The following FAM13A variants were observed in gnomAD, a reference collection of about 807,000 sequenced individuals.
The protein encoded by FAM13A is protein FAM13A.
A neutral mutation model predicts 129.6 loss-of-function variants in FAM13A; 76 were observed. That is an observed-to-expected ratio of 0.59 (90% CI 0.49 to 0.71). The LOEUF (loss-of-function observed/expected upper bound fraction) is 0.71. Ranked by LOEUF, FAM13A falls within the 30% of genes least tolerant of loss-of-function variation. FAM13A has a pLI of 0.00. For missense variants in FAM13A, 1,108 were observed against 1,249.3 expected (o/e 0.89, Z 1.70); for synonymous variants, 443 against 449.9 (o/e 0.98, Z 0.20).
At chr4:88,950,822 T>G (rs772986351) in intron 4 of FAM13A, among the ~76,000 whole-genome samples, 4 of 152,194 alleles carry the variant, frequency 2.6e-5, no homozygotes, top group Non-Finnish European at 4.4e-5. Flanking sequence ...AAATTAACAG[T>G]GACGGGTCAA....
chr4:89,009,723 G>T (rs1765496163), intron 3 of FAM13A, among the ~76,000 whole-genome samples: 1 of 152,142 alleles, frequency 6.6e-6, no homozygotes, highest in South Asian at 2.1e-4. Flanking sequence ...CCACAACAAA[G>T]TAACATTTAA....
At chr4:88,852,631 A>G (rs1561166783) in intron 6 of FAM13A, among the ~76,000 whole-genome samples, 1 of 152,066 alleles carries the variant, frequency 6.6e-6, no homozygotes, top group Non-Finnish European at 1.5e-5. Context: ...GTCTCCTCCT[A>G]TTGTTTATCT....
At chr4:89,010,309 C>G (rs890400717) in intron 3 of FAM13A, among the ~76,000 whole-genome samples, 1 of 152,098 alleles carries the variant, frequency 6.6e-6, no homozygotes, top group Non-Finnish European at 1.5e-5. Context: ...GGCTTTGTAC[C>G]GAATAAACTC....
At chr4:88,737,062 T>A (rs1164736888) in intron 21 of FAM13A, among the ~76,000 whole-genome samples, 1 of 152,216 alleles carries the variant, frequency 6.6e-6, no homozygotes, top group Non-Finnish European at 1.5e-5. Context: ...AAACAGTATA[T>A]GAGATTCCTT....
At chr4:88,873,654 C>T (rs888988221) in intron 6 of FAM13A, among the ~76,000 whole-genome samples, 61 of 152,092 alleles carry the variant, frequency 4.0e-4, no homozygotes, top group African/African-American at 1.4e-3. Flanking sequence ...AATTAATAGC[C>T]TACCAACCAA....
At chr4:88,750,765 A>C in intron 14 of FAM13A, 128 bp from the exon 15 acceptor site, 2 of 674,432 alleles carry the variant, frequency 3.0e-6, no homozygotes, top group Non-Finnish European at 5.1e-6. Context: ...TTCTCATTTT[A>C]CAGCTAAGGT....
At chr4:89,014,954 C>A (rs947812086) in intron 3 of FAM13A, among the ~76,000 whole-genome samples, 1 of 152,142 alleles carries the variant, frequency 6.6e-6, no homozygotes, top group African/African-American at 2.4e-5. Context: ...CTTTCGAAAG[C>A]AATAGGAGAA....
intron 4 of FAM13A, among the ~76,000 whole-genome samples, chr4:88,972,856 C>T (rs1277547953): frequency 6.6e-6 from 1 of 152,186 alleles, no homozygotes; most frequent in Non-Finnish European, 1.5e-5. Flanking sequence ...GATCCACCTG[C>T]CTTGACCTCC....
intron 3 of FAM13A, among the ~76,000 whole-genome samples, chr4:89,010,932 TC>T (rs532049620): frequency 3.7e-4 from 57 of 152,218 alleles, no homozygotes; most frequent in Middle Eastern, 3.4e-3. Flanking sequence ...CACTGCAACC[TC>T]CACCTCCTGG....
Position 88,737,513 on chromosome 4 carries a change from T to C in FAM13A, c.2605A>G (p.Ile869Val). The C allele has an allele frequency of 1.2e-6, 2 of 1,614,110 alleles. No homozygotes were observed. The highest frequency in any genetic ancestry group is 1.7e-6 in the Non-Finnish European group (2 of 1,179,986). ...SKRRSPLLQP[I>V]IEGETASFFK... The stretch of plus-strand genomic sequence containing the variant: ...AAGGAAGCAGTTTCGCCCTCGATAA[T>C]TGGCTGCAGCAAAGGGCTTCTCCGC... The change falls in exon 21 of 24, where the codon ATT becomes GTT. Residue 869 changes from isoleucine (I) to valine (V), a missense_variant. Physicochemically the swap from Ile to Val is conservative, Grantham distance 29 (BLOSUM62 3). Around this residue, in one of 3 missense-constraint regions of FAM13A, gnomAD observed 529 missense variants for 621.2 expected, o/e 0.85. Transcript: ENST00000264344.
chr4:88,853,434 A>C (rs1371083908), intron 6 of FAM13A, among the ~76,000 whole-genome samples: 1 of 152,216 alleles, frequency 6.6e-6, no homozygotes, highest in Non-Finnish European at 1.5e-5. Flanking sequence ...GAAAGTAAAA[A>C]TATACGCTGT....
At chr4:88,795,196 TATACTAGA>T (rs1365015892) in intron 8 of FAM13A, among the ~76,000 whole-genome samples, 1 of 151,798 alleles carries the variant, frequency 6.6e-6, no homozygotes, top group Non-Finnish European at 1.5e-5. Flanking sequence ...CTGTGCATAA[TATACTAGA>T]ATATAAATTG....
chr4:88,833,145 C>T (rs1236358407), intron 7 of FAM13A, among the ~76,000 whole-genome samples: 2 of 152,072 alleles, frequency 1.3e-5, no homozygotes, highest in Non-Finnish European at 2.9e-5. Flanking sequence ...AATCAAATAC[C>T]AAATGTTCTC....
intron 5 of FAM13A, chr4:88,937,656 G>A (rs1754058782): frequency 5.8e-6 from 1 of 172,842 alleles, no homozygotes; most frequent in Non-Finnish European, 1.2e-5. Flanking sequence ...AGAATCTGAG[G>A]TTGGGCTTCA....
At chr4:88,763,170 G>A (rs1002217830) in intron 13 of FAM13A, among the ~76,000 whole-genome samples, 8 of 152,128 alleles carry the variant, frequency 5.3e-5, no homozygotes, top group Non-Finnish European at 1.2e-4. Context: ...ACAGGAACAA[G>A]ACTTTGTAAG....
At chr4:88,771,621 C>G (rs1015811969) in intron 11 of FAM13A, among the ~76,000 whole-genome samples, 3 of 152,072 alleles carry the variant, frequency 2.0e-5, no homozygotes, top group African/African-American at 7.2e-5. Flanking sequence ...ATTTTAATTC[C>G]TCTTCTAAAT....
chr4:88,864,502 A>G (rs929460154), intron 6 of FAM13A, among the ~76,000 whole-genome samples: 2 of 152,192 alleles, frequency 1.3e-5, no homozygotes, highest in African/African-American at 4.8e-5. Context: ...TCCACCTCCC[A>G]GGTTCAAGCT....
intron 6 of FAM13A, among the ~76,000 whole-genome samples, chr4:88,902,359 T>C (rs1354468194): frequency 1.3e-5 from 2 of 152,132 alleles, no homozygotes; most frequent in Non-Finnish European, 2.9e-5. Flanking sequence ...AAGTTGTCAA[T>C]AAAACACTGG....
intron 7 of FAM13A, among the ~76,000 whole-genome samples, chr4:88,831,840 A>G (rs1733929710): frequency 6.6e-6 from 1 of 152,176 alleles, no homozygotes; most frequent in African/African-American, 2.4e-5. Context: ...TATAGATTCA[A>G]TACTATTCTC....
Sources: allele counts gnomAD v4.1 joint callset (sites outside exome capture counted in the v4.1 genomes callset), GRCh38; gene constraint gnomAD v4.1.1; regional missense constraint gnomAD v4.1.1; transcripts MANE v1.5; gene names NCBI Gene and HGNC (gene_info 2026-07-23, HGNC 2026-07-21).